KPNA1: variants seen among roughly 807,000 people sequenced by gnomAD.
The protein encoded by KPNA1 is importin subunit alpha-5.
In KPNA1, 10 loss-of-function variants were observed where a neutral mutation model predicts 70.5. The observed-to-expected ratio is 0.14, with a 90% CI of 0.09 to 0.24. The LOEUF is 0.24. Among genes scored for constraint, KPNA1 ranks in the 10% least tolerant of loss-of-function variants. KPNA1 has a pLI of 1.00. For synonymous variants in KPNA1, 192 were observed against 221.9 expected (o/e 0.87, Z 1.20); for missense variants, 397 against 637.9 (o/e 0.62, Z 4.07).
At chr3:122,478,708 AC>A (rs2076534385) in intron 2 of KPNA1, among the ~76,000 whole-genome samples, 1 of 150,330 alleles carries the variant, frequency 6.7e-6, no homozygotes, top group African/African-American at 2.4e-5. Flanking sequence ...AGCCTCGGCT[AC>A]ACAGCGAGGC....
intron 1 of KPNA1, among the ~76,000 whole-genome samples, chr3:122,513,711 T>C (rs1458631307): frequency 6.6e-6 from 1 of 151,948 alleles, no homozygotes; most frequent in Non-Finnish European, 1.5e-5. Context: ...AGCAACCGTT[T>C]ATTTAAGAAA....
intron 2 of KPNA1, among the ~76,000 whole-genome samples, chr3:122,472,749 T>C (rs185224063): frequency 3.0e-4 from 45 of 151,704 alleles, no homozygotes; most frequent in Admixed American, 2.8e-3. Flanking sequence ...AGAAAGAAAA[T>C]CACTACAAAT....
intron 1 of KPNA1, among the ~76,000 whole-genome samples, chr3:122,500,262 T>C (rs1007864408): frequency 2.0e-5 from 3 of 151,768 alleles, no homozygotes; most frequent in South Asian, 2.1e-4. Context: ...GCTGGGATTA[T>C]AGGCATGCAC....
At chr3:122,430,974 TCA>T (rs1368717853) in intron 12 of KPNA1, among the ~76,000 whole-genome samples, 2 of 152,176 alleles carry the variant, frequency 1.3e-5, no homozygotes, top group African/African-American at 2.4e-5. Context: ...CTGCATTCTC[TCA>T]CTTTTCCTCA....
At chr3:122,499,475 G>A (rs568283452) in intron 1 of KPNA1, among the ~76,000 whole-genome samples, 6 of 151,936 alleles carry the variant, frequency 3.9e-5, no homozygotes, top group African/African-American at 7.2e-5. Context: ...GACAAGGGAC[G>A]GGTAGAGTGG....
At chr3:122,433,889 C>T (rs1182285206) in intron 11 of KPNA1, 101 bp from the exon 12 acceptor site, 13 of 840,584 alleles carry the variant, frequency 1.5e-5, no homozygotes, top group Non-Finnish European at 2.3e-5. Flanking sequence ...ATTAACACCC[C>T]TTCTCCTGTC....
rs895720290 is a variant in KPNA1 at position 122,459,537 on chromosome 3, G to C, written c.432+1687C>G. The C allele has an allele frequency of 8.1e-6, 8 of 985,340 alleles. No homozygotes were observed. The African/African-American group carries it at 1.2e-4, about 15-fold the overall frequency. The allele number at this position is 985,340 out of a possible 1,614,324, so 61.0% of individuals were successfully genotyped here. A position where few individuals can be genotyped will look rare whatever the true frequency, so the allele number is the denominator to read the frequency against. ...CAGGTTGCTTAGGGGATCAGGCTCTGTTCTCTGCAGTGTTGGTTGTCTGGA... is the reference window on the plus strand; with the variant it reads ...CAGGTTGCTTAGGGGATCAGGCTCTCTTCTCTGCAGTGTTGGTTGTCTGGA... On this transcript the variant is annotated intron_variant, in intron 5 of 13. Transcript: ENST00000344337.
At chr3:122,510,664 T>C (rs942160532) in intron 1 of KPNA1, among the ~76,000 whole-genome samples, 1 of 152,160 alleles carries the variant, frequency 6.6e-6, no homozygotes, top group Admixed American at 6.5e-5. Context: ...ACATCTTGCT[T>C]AGACGAAAGC....
At chr3:122,464,954 C>T (rs1305338726) in intron 3 of KPNA1, among the ~76,000 whole-genome samples, 1 of 152,138 alleles carries the variant, frequency 6.6e-6, no homozygotes, top group African/African-American at 2.4e-5. Flanking sequence ...TTCAAAATTG[C>T]AAGACTGATT....
chr3:122,487,398 C>T (rs2076641588), intron 2 of KPNA1, among the ~76,000 whole-genome samples: 1 of 152,206 alleles, frequency 6.6e-6, no homozygotes, highest in African/African-American at 2.4e-5. Flanking sequence ...ATCTAGACAT[C>T]CCACTTACGT....
intron 9 of KPNA1, among the ~76,000 whole-genome samples, chr3:122,444,638 G>A (rs1366365939): frequency 6.6e-6 from 1 of 152,190 alleles, no homozygotes; most frequent in Non-Finnish European, 1.5e-5. Flanking sequence ...GGGGCCGAGA[G>A]ACACCTCATA....
At position 122,427,008 on chromosome 3, in the gene KPNA1, G is replaced by C; in HGVS notation, c.1594C>G (p.Pro532Ala). Residue 532 changes from proline (P) to alanine (A), a missense_variant, in exon 14 of 14, where the codon CCT becomes GCT. Physicochemically the swap from Pro to Ala is conservative, Grantham distance 27. Coordinates refer to ENST00000344337, the MANE Select transcript of KPNA1 (RefSeq NM_002264.4). ...CTTCAAAGCTGGAAACCTTCCATAG[G>C]AGCCTCACACTGTTGGAAGATGTAC... Reference protein sequence around the residue: ...QQYIFQQCEAPMEGFQL With the variant: ...QQYIFQQCEAAMEGFQL 6.2e-7 allele frequency: 1 copy of C among 1,614,102 alleles called. No individual in the cohort carries two copies. Among genetic ancestry groups the C allele is most frequent in the Non-Finnish European group, 8.5e-7 (1 of 1,179,992 alleles).
chr3:122,422,120 C>CA lies in KPNA1; in HGVS notation c.*4864dup, dbSNP rs372934551. ...AGAATGACTTGAGGTAAAGCAGAAACACTCAACAACCAGTACATTAAAAGG... is the reference window on the plus strand; with the variant it reads ...AGAATGACTTGAGGTAAAGCAGAAACAACTCAACAACCAGTACATTAAAAGG... On this transcript the variant is annotated 3_prime_UTR_variant, in exon 14 of 14. Transcript: ENST00000344337. The CA allele has an allele frequency of 2.6e-5, 4 of 152,274 alleles. No homozygotes were observed. In the East Asian group the frequency reaches 7.7e-4, roughly 29 times the overall value. The allele number at this position is 152,274 out of a possible 1,614,324, so 9.4% of individuals were successfully genotyped here. A position where few individuals can be genotyped will look rare whatever the true frequency, so the allele number is the denominator to read the frequency against.
intron 2 of KPNA1, among the ~76,000 whole-genome samples, chr3:122,477,472 G>A (rs140083992): frequency 1.6e-4 from 24 of 152,252 alleles, no homozygotes; most frequent in African/African-American, 5.3e-4. Flanking sequence ...GGCTGAGGAC[G>A]GAGGATCATT....
chr3:122,435,089 T>C (rs559112496), intron 11 of KPNA1, among the ~76,000 whole-genome samples: 1 of 152,366 alleles, frequency 6.6e-6, no homozygotes, highest in Admixed American at 6.5e-5. Flanking sequence ...ATCATTTTAA[T>C]TCCATGAGCC....
At chr3:122,484,929 G>A (rs1042865880) in intron 2 of KPNA1, among the ~76,000 whole-genome samples, 10 of 152,098 alleles carry the variant, frequency 6.6e-5, no homozygotes, top group African/African-American at 1.9e-4. Flanking sequence ...ATGAGATCTC[G>A]CTTTGACGCC....
chr3:122,488,469 T>C (rs761840247), intron 2 of KPNA1, among the ~76,000 whole-genome samples: 3 of 152,196 alleles, frequency 2.0e-5, no homozygotes, highest in African/African-American at 4.8e-5. Context: ...TAGTGAGTTG[T>C]AATCACACCA....
chr3:122,429,467 A>AAAAAAAAAAC, intron 12 of KPNA1, among the ~76,000 whole-genome samples: 1 of 150,700 alleles, frequency 6.6e-6, no homozygotes, highest in Non-Finnish European at 1.5e-5. Flanking sequence ...AAAAAAAAAA[A>AAAAAAAAAAC]AAGAATCTCA....
intron 2 of KPNA1, among the ~76,000 whole-genome samples, chr3:122,472,519 T>C (rs1042500430): frequency 3.3e-5 from 5 of 151,332 alleles, no homozygotes; most frequent in Non-Finnish European, 7.4e-5. Context: ...TCAATCACCT[T>C]AAAAAAAACA....
Sources: allele counts gnomAD v4.1 joint callset (sites outside exome capture counted in the v4.1 genomes callset), GRCh38; gene constraint gnomAD v4.1.1; transcripts MANE v1.5; gene names NCBI Gene and HGNC (gene_info 2026-07-23, HGNC 2026-07-21).